The following ANK2 variants were observed in gnomAD, a reference collection of about 807,000 sequenced individuals.
ANK2 encodes the protein ankyrin 2.
In ANK2, 83 loss-of-function variants were observed where a neutral mutation model predicts 360.5. The ratio of observed to expected loss-of-function variants is 0.23; its 90% CI spans 0.19 to 0.28. ANK2 has a LOEUF of 0.28. Among genes scored for constraint, ANK2 ranks in the 10% least tolerant of loss-of-function variants. The pLI, the probability that ANK2 is intolerant of heterozygous loss-of-function variation, is 1.00. For missense variants in ANK2, 4,201 were observed against 4,795.7 expected (o/e 0.88, Z 3.66); for synonymous variants, 1,740 against 1,759.5 (o/e 0.99, Z 0.28).
chr4:112,884,348 G>A (rs1258899218), intron 1 of ANK2, among the ~76,000 whole-genome samples: 1 of 152,074 alleles, frequency 6.6e-6, no homozygotes, highest in Non-Finnish European at 1.5e-5. Context: ...TGGATCTTGT[G>A]GTTGTTACTC....
intron 2 of ANK2, among the ~76,000 whole-genome samples, chr4:113,003,554 C>T (rs2051592539): frequency 6.6e-6 from 1 of 152,010 alleles, no homozygotes; most frequent in Non-Finnish European, 1.5e-5. Flanking sequence ...ATCAATGCAA[C>T]AGAAGAGAAA....
intron 2 of ANK2, among the ~76,000 whole-genome samples, chr4:112,913,928 C>CT (rs889806857): frequency 1.1e-4 from 16 of 151,692 alleles, no homozygotes; most frequent in South Asian, 8.3e-4. Flanking sequence ...TTCATCCTGT[C>CT]TTTTTTTTGA....
At chr4:113,159,356 T>G (rs1241845455) in intron 1 of ANK2, among the ~76,000 whole-genome samples, 1 of 152,062 alleles carries the variant, frequency 6.6e-6, no homozygotes, top group Non-Finnish European at 1.5e-5. Context: ...AAAACAAACT[T>G]TCTCCTTCGT....
rs555156448 is a variant in ANK2 at position 113,079,037 on chromosome 4, T to C, written c.84+29225T>C. Among the ~76,000 whole-genome samples, 29 of 152,326 alleles carry C rather than the reference T, an allele frequency of 1.9e-4. No individual in the cohort carries two copies. In the East Asian group the frequency reaches 5.4e-3, roughly 28 times the overall value. On this transcript the variant is annotated intron_variant, in intron 1 of 45. Transcript: ENST00000357077. ...AAACTTGAAACCCAGAGACGTTGACTTGCTCCCAAAATTCTTAGAATAAAC... is the reference window on the plus strand; with the variant it reads ...AAACTTGAAACCCAGAGACGTTGACCTGCTCCCAAAATTCTTAGAATAAAC...
chr4:112,997,694 T>C (rs2049054278), intron 2 of ANK2, among the ~76,000 whole-genome samples: 2 of 152,082 alleles, frequency 1.3e-5, no homozygotes, highest in Admixed American at 1.3e-4. Flanking sequence ...AATTATTTTT[T>C]TCATTGACAA....
At chr4:112,835,903 A>C (rs1221113834) in intron 1 of ANK2, among the ~76,000 whole-genome samples, 1 of 152,184 alleles carries the variant, frequency 6.6e-6, no homozygotes, top group East Asian at 1.9e-4. Context: ...AGTAGTAATG[A>C]ATATTACTTT....
At chr4:113,332,281 G>A (rs190928311) in intron 28 of ANK2, among the ~76,000 whole-genome samples, 1 of 152,222 alleles carries the variant, frequency 6.6e-6, no homozygotes, top group East Asian at 1.9e-4. Context: ...TCCCCTTAAA[G>A]TGCTGTGACC....
chr4:112,970,036 T>C (rs2038900063), intron 2 of ANK2, among the ~76,000 whole-genome samples: 2 of 151,896 alleles, frequency 1.3e-5, no homozygotes, highest in African/African-American at 4.8e-5. Context: ...CAGGCTGGAG[T>C]GCGATGGTGC....
chr4:113,182,262 G>C (rs1467747607), intron 2 of ANK2, among the ~76,000 whole-genome samples: 1 of 152,084 alleles, frequency 6.6e-6, no homozygotes, highest in African/African-American at 2.4e-5. Flanking sequence ...CAGGTTTGAG[G>C]GAATACTCAG....
At chr4:113,348,431 C>A in intron 36 of ANK2, 123 bp downstream of exon 36, 7 of 989,034 alleles carry the variant, frequency 7.1e-6, no homozygotes, top group Non-Finnish European at 1.1e-5. Flanking sequence ...TAAAGGGGCA[C>A]AATTTTACTT....
At chr4:113,146,571 TA>T (rs2096844502) in intron 1 of ANK2, among the ~76,000 whole-genome samples, 3 of 152,184 alleles carry the variant, frequency 2.0e-5, no homozygotes, top group South Asian at 2.1e-4. Context: ...AAATAAGATT[TA>T]TTTTTTTAAA....
intron 1 of ANK2, among the ~76,000 whole-genome samples, chr4:113,159,904 G>T (rs967163817): frequency 6.6e-6 from 1 of 152,010 alleles, no homozygotes; most frequent in Admixed American, 6.6e-5. Context: ...TTTCAGACGT[G>T]AGCCACTGCA....
intron 2 of ANK2, among the ~76,000 whole-genome samples, chr4:113,002,530 G>A (rs1391967888): frequency 6.6e-6 from 1 of 152,056 alleles, no homozygotes; most frequent in Non-Finnish European, 1.5e-5. Context: ...CATGGACACA[G>A]GAAGGGGGAC....
chr4:112,904,928 GC>G (rs1366725764), intron 2 of ANK2, among the ~76,000 whole-genome samples: 1 of 152,066 alleles, frequency 6.6e-6, no homozygotes, highest in East Asian at 1.9e-4. Flanking sequence ...AAAATTGATT[GC>G]TATAAGGTTG....
chr4:113,089,846 A>T (rs1335722615), intron 1 of ANK2, among the ~76,000 whole-genome samples: 2 of 51,584 alleles, frequency 3.9e-5, no homozygotes, highest in Non-Finnish European at 7.4e-5. Context: ...AAATAAAAAT[A>T]AAAAAGCTGA....
At chr4:113,137,448 G>C (rs1389467945) in intron 1 of ANK2, among the ~76,000 whole-genome samples, 3 of 152,136 alleles carry the variant, frequency 2.0e-5, no homozygotes, top group East Asian at 3.9e-4. Flanking sequence ...GAGAAGACTG[G>C]GCCAGGAGCA....
chr4:113,356,199 C>G lies in ANK2; in HGVS notation c.7581C>G (p.Leu2527=). The stretch of plus-strand genomic sequence containing the variant: ...ATGACAGTCTTGAGCAGACATCGCT[C>G]ATGGAGAGCTCAGGGAAGAGCCCCC... ...AEDDSLEQTS[L]MESSGKSPLS... The change falls in exon 38 of 46, where the codon CTC becomes CTG. Residue 2527 remains leucine (L), a synonymous_variant. Transcript: ENST00000357077. The G allele has an allele frequency of 6.2e-7, 1 of 1,614,006 alleles. No individual in the cohort carries two copies. Among genetic ancestry groups the G allele is most frequent in the South Asian group, 1.1e-5 (1 of 91,066 alleles).
At chr4:112,732,929 A>G in the ANK2 span, among the ~76,000 whole-genome samples, 10 of 151,632 alleles carry the variant, frequency 6.6e-5, no homozygotes, top group African/African-American at 2.4e-4. Context: ...AAAATACAAA[A>G]AAAAAGGGGC....
the ANK2 span, among the ~76,000 whole-genome samples, chr4:112,809,213 A>C: frequency 6.6e-6 from 1 of 151,658 alleles, no homozygotes; most frequent in South Asian, 2.1e-4. Context: ...GGGAAAGACA[A>C]AACACTTCAA....
Sources: allele counts gnomAD v4.1 joint callset (sites outside exome capture counted in the v4.1 genomes callset), GRCh38; gene constraint gnomAD v4.1.1; transcripts MANE v1.5; gene names NCBI Gene and HGNC (gene_info 2026-07-23, HGNC 2026-07-21).